The following RGS6 variants were observed in gnomAD, a reference collection of about 807,000 sequenced individuals.
RGS6 encodes the protein regulator of G protein signaling 6, also known as regulator of G-protein signaling 6.
A neutral mutation model predicts 78.5 loss-of-function variants in RGS6; 30 were observed. That is an observed-to-expected ratio of 0.38 (90% CI 0.29 to 0.52). The LOEUF is 0.52. RGS6 is among the 20% of genes least tolerant of loss of function. The probability of loss-of-function intolerance (pLI) is 0.85; values close to 1 mark genes in which losing one functional copy is unlikely to be tolerated. For synonymous variants in RGS6, 206 were observed against 206.0 expected, an observed-to-expected ratio of 1.00 and a Z score of 0.00; for missense variants, 495 against 609.7, an observed-to-expected ratio of 0.81 and a Z score of 1.98.
intron 2 of RGS6, among the ~76,000 whole-genome samples, chr14:72,012,596 C>T (rs1374377413): frequency 2.0e-5 from 3 of 152,220 alleles, no homozygotes; most frequent in African/African-American, 7.2e-5. Context: ...ATGCTGTTAG[C>T]CACACCATAC....
At chr14:72,122,739 CGT>C (rs1491354854) in intron 2 of RGS6, among the ~76,000 whole-genome samples, 252 of 125,316 alleles carry the variant, frequency 2.0e-3, no homozygotes, top group African/African-American at 7.7e-3. Flanking sequence ...TCTAAGTTAT[CGT>C]TTTTTTTTTT....
chr14:72,048,633 T>C lies in RGS6; in HGVS notation c.84+83758T>C, dbSNP rs145681027. 2.0e-4 allele frequency among the ~76,000 whole-genome samples: 30 copies of C among 152,314 alleles called. 1 individual carries two copies. The East Asian group carries it at 5.8e-3, about 29-fold the overall frequency. On this transcript the variant is annotated intron_variant, in intron 2 of 17. Transcript: ENST00000553525. ...CTTAAAGGCTTTGGGAGATACTAGG[T>C]TAGCTTTCTTACAATATAGGCTGCC... is the stretch of plus-strand genomic sequence containing the variant.
chr14:71,891,111 T>G, the RGS6 span, among the ~76,000 whole-genome samples: 1 of 152,230 alleles, frequency 6.6e-6, no homozygotes, highest in Admixed American at 6.5e-5. Flanking sequence ...CCAGTCTAAT[T>G]TTTTTAAAGC....
At chr14:72,507,073 G>A (rs2096815979) in intron 13 of RGS6, among the ~76,000 whole-genome samples, 1 of 151,136 alleles carries the variant, frequency 6.6e-6, no homozygotes, top group Non-Finnish European at 1.5e-5. Flanking sequence ...GGAGGCTGAG[G>A]CAGGAGAATG....
chr14:72,182,623 T>C (rs2097189343), intron 2 of RGS6, among the ~76,000 whole-genome samples: 1 of 152,178 alleles, frequency 6.6e-6, no homozygotes, highest in African/African-American at 2.4e-5. Flanking sequence ...CATCTGTCCA[T>C]ACCGAAAGTC....
rs2097315430 is a variant in RGS6, at chr14:72,540,815, G to C, written c.1422+721G>C. 5.1e-6 allele frequency: 5 copies of C among 985,250 alleles called. No homozygotes were observed. In the South Asian group the frequency reaches 1.9e-4, roughly 37 times the overall value. The allele number at this position is 985,250 out of a possible 1,614,324, so 61.0% of individuals were successfully genotyped here. ...ATTCTAACAGGCTGGGTAAAGATGGGCTTCAGATTCCTACAGGTTCATGGT... is the reference window on the plus strand; with the variant it reads ...ATTCTAACAGGCTGGGTAAAGATGGCCTTCAGATTCCTACAGGTTCATGGT... On this transcript the variant is annotated intron_variant, in intron 17 of 17. Transcript: ENST00000553525.
At chr14:72,052,983 T>TTCTTTCTTTCTTTCTTTCTTTC (rs1447550101) in intron 2 of RGS6, among the ~76,000 whole-genome samples, 2 of 85,580 alleles carry the variant, frequency 2.3e-5, no homozygotes. Context: ...CTTTCTTTCT[T>TTCTTTCTTTCTTTCTTTCTTTC]TCTCTCTCTC....
chr14:72,585,935 T>C, the RGS6 span, among the ~76,000 whole-genome samples: 2 of 152,212 alleles, frequency 1.3e-5, no homozygotes, highest in Non-Finnish European at 2.9e-5. Context: ...CTCCAGTCTA[T>C]ACTCCATATG....
intron 2 of RGS6, among the ~76,000 whole-genome samples, chr14:72,072,706 G>A (rs1223768447): frequency 6.6e-6 from 1 of 152,134 alleles, no homozygotes; most frequent in African/African-American, 2.4e-5. Flanking sequence ...AGGCCTTTTA[G>A]GTAATCACTG....
intron 16 of RGS6, chr14:72,537,477 T>C (rs981265036): frequency 1.3e-5 from 9 of 702,192 alleles, no homozygotes; most frequent in East Asian, 2.7e-5. Context: ...GGTATCCCAG[T>C]TGTCAGCAGC....
At chr14:72,607,876 T>C in the RGS6 span, among the ~76,000 whole-genome samples, 1 of 152,212 alleles carries the variant, frequency 6.6e-6, no homozygotes, top group Non-Finnish European at 1.5e-5. Context: ...CATCAATGGC[T>C]TCTCTGCCGA....
rs2091209147 is a variant in RGS6, at chr14:72,033,376, G to A, written c.84+68501G>A. ...AACCTCCCGAGTAGCTGGGACTACA[G>A]GCATGAGCCACCATGTCTGGCTATT... On this transcript the variant is annotated intron_variant, in intron 2 of 17. Coordinates refer to ENST00000553525, the MANE Select transcript of RGS6 (RefSeq NM_001204424.2). Among the ~76,000 whole-genome samples, 3 of 152,112 alleles carry A rather than the reference G, an allele frequency of 2.0e-5. No individual in the cohort carries two copies. The South Asian group carries it at 6.2e-4, about 32-fold the overall frequency.
At chr14:72,081,957 A>G (rs2094844604) in intron 2 of RGS6, among the ~76,000 whole-genome samples, 2 of 151,962 alleles carry the variant, frequency 1.3e-5, no homozygotes, top group African/African-American at 4.8e-5. Flanking sequence ...ATCTTTTGTC[A>G]TATTTGTTTT....
the RGS6 span, among the ~76,000 whole-genome samples, chr14:72,595,497 C>G: frequency 6.6e-6 from 1 of 151,732 alleles, no homozygotes; most frequent in African/African-American, 2.4e-5. Context: ...AAGCTTAGCC[C>G]CAGGAATACA....
At chr14:72,232,345 G>T (rs936324375) in intron 2 of RGS6, among the ~76,000 whole-genome samples, 8 of 152,210 alleles carry the variant, frequency 5.3e-5, no homozygotes, top group African/African-American at 1.2e-4. Flanking sequence ...AGCAGCAACG[G>T]GGTAGAAAGA....
chr14:72,013,062 G>A (rs1277681735), intron 2 of RGS6, among the ~76,000 whole-genome samples: 1 of 152,024 alleles, frequency 6.6e-6, no homozygotes, highest in African/African-American at 2.4e-5. Flanking sequence ...CCTGAGGTCA[G>A]GAGTTTGAGA....
intron 3 of RGS6, among the ~76,000 whole-genome samples, chr14:72,420,273 T>C (rs188642471): frequency 3.4e-4 from 52 of 152,288 alleles, no homozygotes; most frequent in Admixed American, 2.0e-3. Context: ...TCTCCAAAAT[T>C]ACATATTTGA....
chr14:72,170,939 C>G (rs531009404), intron 2 of RGS6, among the ~76,000 whole-genome samples: 1 of 152,156 alleles, frequency 6.6e-6, no homozygotes, highest in Non-Finnish European at 1.5e-5. Flanking sequence ...CTGATAATTG[C>G]TGTCTGTGTT....
intron 2 of RGS6, among the ~76,000 whole-genome samples, chr14:71,984,800 T>C (rs1048156465): frequency 3.3e-5 from 5 of 152,220 alleles, no homozygotes; most frequent in Non-Finnish European, 7.3e-5. Context: ...TGGTAAGGTA[T>C]TGGTAAAGCT....
Sources: gnomAD v4.1 joint callset for allele counts (sites outside exome capture counted in the v4.1 genomes callset) on GRCh38, gnomAD v4.1.1 for gene constraint, MANE v1.5 for transcripts, NCBI Gene and HGNC (gene_info 2026-07-23, HGNC 2026-07-21) for gene names.